The following SLC35F6 variants were observed in gnomAD, a reference collection of about 807,000 sequenced individuals.
The protein encoded by SLC35F6 is ANT2-binding protein.
A neutral mutation model predicts 29.4 loss-of-function variants in SLC35F6; 26 were observed. The observed-to-expected ratio is 0.89, with a 90% CI of 0.65 to 1.23. SLC35F6 has a LOEUF of 1.23. Among genes scored for constraint, SLC35F6 ranks in the 50% most tolerant of loss-of-function variants. SLC35F6 has a pLI of 0.00. For missense variants in SLC35F6, 428 were observed against 487.8 expected (o/e 0.88, Z 1.15); for synonymous variants, 174 against 206.6 (o/e 0.84, Z 1.35).
intron 5 of SLC35F6, 110 bp downstream of exon 5, chr2:26,776,592 G>T (rs910627899): frequency 2.2e-6 from 2 of 918,520 alleles, no homozygotes; most frequent in African/African-American, 3.3e-5. Flanking sequence ...TTCCTGCCCC[G>T]CCTTGCCTTC....
intron 1 of SLC35F6, among the ~76,000 whole-genome samples, chr2:26,770,508 A>C (rs1664178411): frequency 6.6e-6 from 1 of 152,196 alleles, no homozygotes; most frequent in Non-Finnish European, 1.5e-5. Context: ...ACTTGAGGTC[A>C]GGAGTTCGAG....
intron 1 of SLC35F6, among the ~76,000 whole-genome samples, chr2:26,771,202 C>A (rs1255725372): frequency 1.3e-5 from 2 of 152,208 alleles, no homozygotes; most frequent in South Asian, 4.1e-4. Context: ...GGACAGGCCC[C>A]GAGGGGTTTC....
At chr2:26,769,172 G>T (rs1664147967) in intron 1 of SLC35F6, among the ~76,000 whole-genome samples, 1 of 152,200 alleles carries the variant, frequency 6.6e-6, no homozygotes, top group South Asian at 2.1e-4. Context: ...CAGCCCCATC[G>T]CCACTTCCTC....
chr2:26,769,471 G>C (rs1357362776), intron 1 of SLC35F6, among the ~76,000 whole-genome samples: 1 of 152,266 alleles, frequency 6.6e-6, no homozygotes, highest in East Asian at 1.9e-4. Flanking sequence ...ACTCAGAGGA[G>C]AGCTTCAGAG....
Position 26,764,357 on chromosome 2 carries a change from G to C in SLC35F6, c.8G>C (p.Trp3Ser). ...ACCCCAGCGTCCGCCGACATGGCCTGGACCAAGTACCAGCTGTTCCTGGCC... is the reference window on the plus strand; with the variant it reads ...ACCCCAGCGTCCGCCGACATGGCCTCGACCAAGTACCAGCTGTTCCTGGCC... MAWTKYQLFLAGL... is the reference protein window; with the variant it reads MASTKYQLFLAGL... Residue 3 changes from tryptophan to serine, a missense_variant, in exon 1 of 6, where the codon TGG becomes TCG. By Grantham distance (177) the Trp-to-Ser change is radical. Coordinates refer to ENST00000344420, the MANE Select transcript of SLC35F6 (RefSeq NM_017877.4). The C allele has an allele frequency of 1.3e-6, 2 of 1,550,840 alleles. No individual in the cohort carries two copies. Among genetic ancestry groups the C allele is most frequent in the Non-Finnish European group, 1.7e-6 (2 of 1,146,834 alleles).
In SLC35F6 at chr2:26,778,417, T is replaced by C. The variant is rs1445341531; in HGVS notation, c.1022T>C (p.Leu341Pro). The stretch of plus-strand genomic sequence containing the variant: ...TACAATGGGCTACACCGTCCGCTGC[T>C]GGGCCGCCTGTCCAGGGGCCGGCCC... Reference protein sequence around the residue: ...ALYNGLHRPLLGRLSRGRPLA... With the variant: ...ALYNGLHRPLPGRLSRGRPLA... The change falls in exon 6 of 6, where the codon CTG becomes CCG. Residue 341 changes from leucine to proline, a missense_variant. Coordinates refer to ENST00000344420, the MANE Select transcript of SLC35F6 (RefSeq NM_017877.4). 1.9e-6 allele frequency: 3 copies of C among 1,613,940 alleles called. No homozygotes were observed. The highest frequency in any genetic ancestry group is 1.3e-5 in the African/African-American group (1 of 74,884).
intron 1 of SLC35F6, among the ~76,000 whole-genome samples, chr2:26,770,672 C>T (rs984963861): frequency 6.6e-6 from 1 of 151,752 alleles, no homozygotes; most frequent in African/African-American, 2.4e-5. Context: ...GAGCCAAGAT[C>T]GCGCTGCTAC....
At chr2:26,769,581 C>T (rs1027727845) in intron 1 of SLC35F6, among the ~76,000 whole-genome samples, 13 of 152,258 alleles carry the variant, frequency 8.5e-5, no homozygotes, top group African/African-American at 3.1e-4. Context: ...TCTCTGGCCC[C>T]TGGGTTCCTG....
chr2:26,775,154 C>T lies in SLC35F6; in HGVS notation c.261C>T (p.Asn87=). 1 of 1,614,126 alleles carries T rather than the reference C, an allele frequency of 6.2e-7. No individual in the cohort carries two copies. The highest frequency in any genetic ancestry group is 8.5e-7 in the Non-Finnish European group (1 of 1,180,036). ...GCGTAGACCCCCAGCAGCCCTTCAA[C>T]CCTCTTCTTTTCCTGCCCCCAGCGC... The part of the protein sequence containing the change: ...DSSVDPQQPF[N]PLLFLPPALC... The change falls in exon 3 of 6, where the codon AAC becomes AAT. Residue 87 remains asparagine (N), a synonymous_variant. Transcript: ENST00000344420. This position sits in a 1 kb window ranked among gnomAD's most constrained non-coding sequence, Gnocchi z 4.6.
intron 5 of SLC35F6, among the ~76,000 whole-genome samples, chr2:26,776,954 CT>C (rs754823967): frequency 2.0e-5 from 3 of 152,182 alleles, no homozygotes; most frequent in Non-Finnish European, 4.4e-5. Context: ...AATCCCAGCA[CT>C]TTTGAGAGAC....
rs746756918 is a variant in SLC35F6 at position 26,778,485 on chromosome 2, C to T, written c.1090C>T (p.Arg364Cys). ...GCAGGAGAGACTGCTGGGTGGCACC[C>T]GCACTCCCATCAATGATGCCAGCTG... is the stretch of plus-strand genomic sequence containing the variant. ...SEQERLLGGT[R>C]TPINDAS is the part of the protein sequence containing the mutation. Residue 364 changes from arginine to cysteine, a missense_variant, in exon 6 of 6, where the codon CGC becomes TGC. Coordinates refer to ENST00000344420, the MANE Select transcript of SLC35F6 (RefSeq NM_017877.4). 20 of 1,608,760 alleles carry T rather than the reference C, an allele frequency of 1.2e-5. No individual in the cohort carries two copies. The highest frequency in any genetic ancestry group is 2.2e-5 in the East Asian group (1 of 44,812).
Position 26,778,255 on chromosome 2 carries a change from T to C in SLC35F6, c.860T>C (p.Leu287Pro). 2 of 1,614,178 alleles carry C rather than the reference T, an allele frequency of 1.2e-6. No homozygotes were observed. Among genetic ancestry groups the C allele is most frequent in the Non-Finnish European group, 1.7e-6 (2 of 1,180,020 alleles). Residue 287 changes from leucine (L) to proline (P), a missense_variant, in exon 6 of 6, where the codon CTG (leucine) becomes CCG (proline). By Grantham distance (98) the Leu-to-Pro change is moderately conservative. Coordinates refer to ENST00000344420, the MANE Select transcript of SLC35F6 (RefSeq NM_017877.4). ...GCAGGCATCAGCGTCACCAAGGAACTGAGCGCCACCACCCGCATGGTGTTG... is the reference window on the plus strand; with the variant it reads ...GCAGGCATCAGCGTCACCAAGGAACCGAGCGCCACCACCCGCATGGTGTTG... ...NFAGISVTKE[L>P]SATTRMVLDS...
chr2:26,765,485 T>C (rs1183708319), intron 1 of SLC35F6, among the ~76,000 whole-genome samples: 1 of 152,194 alleles, frequency 6.6e-6, no homozygotes, highest in South Asian at 2.1e-4. Flanking sequence ...CTGCCCCTCC[T>C]TTTCTTGTTG....
In SLC35F6 at chr2:26,779,325, A is replaced by G. The variant is rs1664366185; in HGVS notation, c.*814A>G. On this transcript the variant is annotated 3_prime_UTR_variant, in exon 6 of 6. Transcript: ENST00000344420. ...CCAGACTCTGCCTCAAACTCATTGT[A>G]GCTCCCAGCACATTACCCAGTTGCT... 2 of 152,262 alleles carry G rather than the reference A, an allele frequency of 1.3e-5. No homozygotes were observed. The highest frequency in any genetic ancestry group is 6.5e-5 in the Admixed American group (1 of 15,290). The allele number at this position is 152,262 out of a possible 1,614,324, so 9.4% of individuals were successfully genotyped here.
rs192551091 is a variant in SLC35F6, at chr2:26,778,804, G to A, written c.*293G>A. On this transcript the variant is annotated 3_prime_UTR_variant, in exon 6 of 6. Transcript: ENST00000344420. ...GCTAAATCATGAAGTTGAATTGTAG[G>A]AATTTACCACCGTAGTGTATCTGAA... is the stretch of plus-strand genomic sequence containing the variant. 2.9e-3 allele frequency: 1,202 copies of A among 417,606 alleles called. 5 individuals carry two copies. The highest frequency in any genetic ancestry group is 8.1e-3 in the Middle Eastern group (13 of 1,608). The allele number at this position is 417,606 out of a possible 1,614,324, so 25.9% of individuals were successfully genotyped here.
At chr2:26,766,400 C>G (rs1258975171) in intron 1 of SLC35F6, among the ~76,000 whole-genome samples, 6 of 152,154 alleles carry the variant, frequency 3.9e-5, no homozygotes, top group Admixed American at 3.9e-4. Context: ...GAGTTTGAAA[C>G]CAGCCTGACC....
chr2:26,766,985 G>C (rs1664107396), intron 1 of SLC35F6, among the ~76,000 whole-genome samples: 1 of 152,194 alleles, frequency 6.6e-6, no homozygotes, highest in Non-Finnish European at 1.5e-5. Context: ...GTTGTTAAAA[G>C]CATAGAAATC....
At chr2:26,768,591 C>G (rs1296144702) in intron 1 of SLC35F6, among the ~76,000 whole-genome samples, 1 of 151,696 alleles carries the variant, frequency 6.6e-6, no homozygotes, top group African/African-American at 2.4e-5. Flanking sequence ...GTCTCGATCT[C>G]CTGACCTCGC....
At chr2:26,764,902 T>C in intron 1 of SLC35F6, 2 of 985,332 alleles carry the variant, frequency 2.0e-6, no homozygotes, top group Non-Finnish European at 2.4e-6. Flanking sequence ...GCTTTGAAGC[T>C]TAGGTGGGAT....
Sources: allele counts gnomAD v4.1 joint callset (sites outside exome capture counted in the v4.1 genomes callset), GRCh38; gene constraint gnomAD v4.1.1; non-coding constraint Gnocchi (gnomAD v3.1); transcripts MANE v1.5; gene names NCBI Gene and HGNC (gene_info 2026-07-23, HGNC 2026-07-21).